NUP210: variants seen among roughly 807,000 people sequenced by gnomAD.
NUP210 encodes nucleoporin 210.
Under a neutral mutation model 196.0 loss-of-function variants are expected in NUP210, and 151 were observed. The ratio of observed to expected loss-of-function variants is 0.77; its 90% CI spans 0.67 to 0.88. NUP210 has a LOEUF of 0.88. Among genes scored for constraint, NUP210 ranks in the 40% least tolerant of loss-of-function variants. The pLI, the probability that NUP210 is intolerant of heterozygous loss-of-function variation, is 0.00. For missense variants in NUP210, 2,314 were observed against 2,493.7 expected, an observed-to-expected ratio of 0.93 and a Z score of 1.53; for synonymous variants, 1,070 against 1,052.7, an observed-to-expected ratio of 1.02 and a Z score of -0.32.
intron 12 of NUP210, among the ~76,000 whole-genome samples, chr3:13,372,257 G>A (rs1463756456): frequency 6.6e-6 from 1 of 152,244 alleles, no homozygotes; most frequent in South Asian, 2.1e-4. Context: ...GCCAGGCAAA[G>A]CCTGGGGGAA....
At position 13,347,870 on chromosome 3, in the gene NUP210, CA is replaced by C. The variant is rs570167564; in HGVS notation, c.2835+4008del. Among the ~76,000 whole-genome samples the C allele has an allele frequency of 5.7e-4, 87 of 152,336 alleles. No homozygotes were observed. The highest frequency in any genetic ancestry group is 2.0e-3 in the African/African-American group (85 of 41,588). ...AGGCTTCAGAAGAGACCAGAGGAAC[CA>C]GGGCCTGATTGGAGTTGCGAGAGTC... On this transcript the variant is annotated intron_variant, in intron 20 of 39. Transcript: ENST00000254508. The surrounding 1 kb of genome is among the most constrained non-coding windows in gnomAD (Gnocchi z 4.7).
intron 37 of NUP210, 44 bp downstream of exon 37, chr3:13,319,719 T>A: frequency 6.4e-7 from 1 of 1,558,826 alleles, no homozygotes; most frequent in Non-Finnish European, 8.8e-7. Flanking sequence ...TGCCTGTCCC[T>A]CCCCATCCTG....
intron 32 of NUP210, 120 bp from the exon 33 acceptor site, chr3:13,326,051 A>T (rs1216647069): frequency 2.3e-6 from 3 of 1,311,652 alleles, no homozygotes; most frequent in Non-Finnish European, 3.2e-6. Flanking sequence ...ATGGGGGCTC[A>T]CTCAGCAGCC....
In NUP210 at chr3:13,340,415, T is replaced by A; in HGVS notation, c.3229-117A>T. 2 of 893,764 alleles carry A rather than the reference T, an allele frequency of 2.2e-6. No individual in the cohort carries two copies. Among genetic ancestry groups the A allele is most frequent in the Non-Finnish European group, 3.6e-6 (2 of 560,532 alleles). The allele number at this position is 893,764 out of a possible 1,614,324, so 55.4% of individuals were successfully genotyped here. On this transcript the variant is annotated intron_variant, in intron 23 of 39. Transcript: ENST00000254508. This position sits in a 1 kb window ranked among gnomAD's most constrained non-coding sequence, Gnocchi z 4.0. ...ACCTGGGACATGGACATCACTTCTC[T>A]CTGAGCAGTGACCAGAGGGCCCAGG...
chr3:13,371,967 C>A lies in NUP210; in HGVS notation c.1653G>T (p.Gln551His), dbSNP rs1190993624. 1 of 1,602,986 alleles carries A rather than the reference C, an allele frequency of 6.2e-7. No individual in the cohort carries two copies. ...TGATCCTCAGGGGCAGCTCCAGGGC[C>A]TGGCCCACACGTGCCTCCACCTGGC... ...APCQVEARVG[Q>H]ALELPLRISG... Residue 551 changes from glutamine (Q) to histidine (H), a missense_variant, in exon 13 of 40, where the codon CAG becomes CAT. Gln to His is a conservative substitution (Grantham distance 24). Transcript: ENST00000254508.
rs1359164297 is a variant in NUP210, at chr3:13,350,462, CAAAACAAAACAAAACAAAAA to C, written c.2835+1397_2835+1416del. On this transcript the variant is annotated intron_variant, in intron 20 of 39. Coordinates refer to ENST00000254508, the MANE Select transcript of NUP210 (RefSeq NM_024923.4). The surrounding 1 kb of genome is among the most constrained non-coding windows in gnomAD (Gnocchi z 4.1). ...AAAAACAAAACAAAACAAAACAAAACAAAACAAAACAAAACAAAAAACAAAACAAAACAGGAAAACATGAC... is the reference window on the plus strand; with the variant it reads ...AAAAACAAAACAAAACAAAACAAAACACAAAACAAAACAGGAAAACATGAC... Among the ~76,000 whole-genome samples, 9 of 81,374 alleles carry C rather than the reference CAAAACAAAACAAAACAAAAA, an allele frequency of 1.1e-4. No individual in the cohort carries two copies. The highest frequency in any genetic ancestry group is 1.0e-3 in the Admixed American group (9 of 8,694). 53.4% of individuals were successfully genotyped at this position (81,374 alleles called of 152,430 possible).
At chr3:13,376,554 T>C (rs1005235349) in intron 9 of NUP210, 123 bp from the exon 10 acceptor site, 1 of 1,000,774 alleles carries the variant, frequency 1.0e-6, no homozygotes. Context: ...CCCCTGGGGC[T>C]CAGCAGCCTC....
Position 13,319,959 on chromosome 3 carries a change from G to T in NUP210, c.5187C>A (p.Ala1729=). The T allele has an allele frequency of 6.2e-7, 1 of 1,613,914 alleles. No homozygotes were observed. The highest frequency in any genetic ancestry group is 8.5e-7 in the Non-Finnish European group (1 of 1,180,042). ...ENLEVKSGSP[A]VLAFAKEKSF... is the part of the protein sequence containing the mutation. ...ACTTCTCCTTTGCGAATGCCAGCAC[G>T]GCCGGGGACCCGGATTTCACCTGGA... Residue 1729 remains alanine, a synonymous_variant, in exon 37 of 40, where the codon GCC becomes GCA. Coordinates refer to ENST00000254508, the MANE Select transcript of NUP210 (RefSeq NM_024923.4).
chr3:13,331,797 A>G (rs975401105), intron 29 of NUP210, among the ~76,000 whole-genome samples: 1 of 152,176 alleles, frequency 6.6e-6, no homozygotes, highest in African/African-American at 2.4e-5. Context: ...TTGGAATCAA[A>G]GGTAGGAATT....
chr3:13,393,986 A>T (rs753107533), intron 3 of NUP210, among the ~76,000 whole-genome samples: 13 of 152,208 alleles, frequency 8.5e-5, no homozygotes, highest in Admixed American at 5.2e-4. Flanking sequence ...AAAAGTCCAG[A>T]AGAATGAACT....
chr3:13,388,306 G>A lies in NUP210; in HGVS notation c.681C>T (p.Tyr227=). The change falls in exon 5 of 40, where the codon TAC becomes TAT. Residue 227 remains tyrosine, a synonymous_variant. Transcript: ENST00000254508. ...KLKARIQEAV[Y]KNVRPAEVRL... ...CACCCCAGCGCCCCAGGCCCACCTT[G>A]TAGACAGCCTCCTGGATGCGAGCCT... 1 of 1,604,876 alleles carries A rather than the reference G, an allele frequency of 6.2e-7. No individual in the cohort carries two copies. Among genetic ancestry groups the A allele is most frequent in the Non-Finnish European group, 8.5e-7 (1 of 1,176,156 alleles).
chr3:13,351,342 A>G (rs1576372807), intron 20 of NUP210, among the ~76,000 whole-genome samples: 1 of 152,330 alleles, frequency 6.6e-6, no homozygotes, highest in East Asian at 1.9e-4. Context: ...ATCTTAAAGG[A>G]TTGATTGAAA....
intron 28 of NUP210, among the ~76,000 whole-genome samples, chr3:13,333,968 G>T (rs1186476731): frequency 6.6e-6 from 1 of 152,084 alleles, no homozygotes; most frequent in African/African-American, 2.4e-5. Flanking sequence ...GGCGGGGCCT[G>T]TGGCAAACTG....
chr3:13,352,588 G>A (rs981153929), intron 18 of NUP210, among the ~76,000 whole-genome samples: 1 of 152,226 alleles, frequency 6.6e-6, no homozygotes, highest in Non-Finnish European at 1.5e-5. Context: ...TGGCTCAGGA[G>A]AGGACAATGA....
chr3:13,393,171 G>A (rs1054340780), intron 3 of NUP210, among the ~76,000 whole-genome samples: 5 of 152,172 alleles, frequency 3.3e-5, no homozygotes, highest in Admixed American at 2.0e-4. Context: ...CCAACGCATG[G>A]GGTTGGTGGG....
At chr3:13,404,893 G>C (rs1320227328) in intron 1 of NUP210, among the ~76,000 whole-genome samples, 2 of 152,176 alleles carry the variant, frequency 1.3e-5, no homozygotes, top group African/African-American at 4.8e-5. Flanking sequence ...GAGGGAGGGT[G>C]GGTAATTCTT....
chr3:13,339,115 T>C (rs111323427), intron 25 of NUP210, among the ~76,000 whole-genome samples: 1 of 152,166 alleles, frequency 6.6e-6, no homozygotes, highest in Non-Finnish European at 1.5e-5. Context: ...GTCTTCATAA[T>C]TGACACACAC....
Position 13,343,183 on chromosome 3 carries a change from C to T in NUP210, c.2956G>A (p.Val986Ile). 2 of 1,614,188 alleles carry T rather than the reference C, an allele frequency of 1.2e-6. No homozygotes were observed. The highest frequency in any genetic ancestry group is 1.7e-6 in the Non-Finnish European group (2 of 1,180,026). Reference protein sequence around the residue: ...SDIQELYIRVVDKVEIGKTVK... With the variant: ...SDIQELYIRVIDKVEIGKTVK... ...ATGAAGCTTCCACTGACCTTGTCAA[C>T]CACACGGATGTACAGCTCCTGAATG... Residue 986 changes from valine to isoleucine, a missense_variant, in exon 21 of 40, where the codon GTT becomes ATT. Val to Ile is a conservative substitution (Grantham distance 29). Transcript: ENST00000254508.
chr3:13,346,118 G>A lies in NUP210; in HGVS notation c.2836-2815C>T, dbSNP rs419943. On this transcript the variant is annotated intron_variant, in intron 20 of 39. Transcript: ENST00000254508. ...GGGGAAATCAATTGCTCTTCCACTC[G>A]ATTTCCCAGGGGATGGGCATCCAGC... Among the ~76,000 whole-genome samples, 586 of 152,330 alleles carry A rather than the reference G, an allele frequency of 3.8e-3. 5 individuals carry two copies. Among genetic ancestry groups the A allele is most frequent in the African/African-American group, 0.014 (570 of 41,574 alleles).
Sources: gnomAD v4.1 joint callset for allele counts (sites outside exome capture counted in the v4.1 genomes callset) on GRCh38, gnomAD v4.1.1 for gene constraint, Gnocchi (gnomAD v3.1) non-coding constraint, MANE v1.5 for transcripts, NCBI Gene and HGNC (gene_info 2026-07-23, HGNC 2026-07-21) for gene names.